Variants in GRIK4 observed in about 807,000 individuals in gnomAD.
GRIK4 encodes the protein glutamate ionotropic receptor kainate type subunit 4, also known as glutamate receptor ionotropic, kainate 4.
In GRIK4, 40 loss-of-function variants were observed where a neutral mutation model predicts 104.9. The ratio of observed to expected loss-of-function variants is 0.38; its 90% CI spans 0.30 to 0.50. The LOEUF is 0.50. GRIK4 is among the 20% of genes least tolerant of loss of function. GRIK4 has a pLI of 0.93. For synonymous variants in GRIK4, 485 were observed against 524.9 expected, an observed-to-expected ratio of 0.92 and a Z score of 1.04; for missense variants, 1,047 against 1,308.1, an observed-to-expected ratio of 0.80 and a Z score of 3.08.
At chr11:120,709,788 T>A (rs961185999) in intron 3 of GRIK4, among the ~76,000 whole-genome samples, 1 of 152,146 alleles carries the variant, frequency 6.6e-6, no homozygotes, top group East Asian at 1.9e-4. Flanking sequence ...GAGTCCCAGT[T>A]TTTCTGAACT....
intron 8 of GRIK4, among the ~76,000 whole-genome samples, chr11:120,845,706 A>G (rs1953835375): frequency 6.6e-6 from 1 of 152,136 alleles, no homozygotes; most frequent in African/African-American, 2.4e-5. Context: ...TCCATCAGCC[A>G]GACAACTTTC....
chr11:120,845,391 C>A (rs1953825867), intron 8 of GRIK4, among the ~76,000 whole-genome samples: 2 of 152,184 alleles, frequency 1.3e-5, no homozygotes, highest in Admixed American at 1.3e-4. Flanking sequence ...GTTTCTAATC[C>A]TGAGGGTTGT....
intron 3 of GRIK4, among the ~76,000 whole-genome samples, chr11:120,725,121 A>C (rs1951005733): frequency 6.6e-6 from 1 of 152,194 alleles, no homozygotes; most frequent in Admixed American, 6.5e-5. Flanking sequence ...ATTTTATTTC[A>C]GAATAGAAAA....
intron 3 of GRIK4, among the ~76,000 whole-genome samples, chr11:120,723,722 A>G (rs934505847): frequency 6.6e-6 from 1 of 152,072 alleles, no homozygotes; most frequent in Non-Finnish European, 1.5e-5. Context: ...CTCACAGTGG[A>G]TAGGACATCT....
rs985113460 is a variant in GRIK4 at position 120,986,381 on chromosome 11, C to A, written c.*121C>A. 3.2e-6 allele frequency: 4 copies of A among 1,258,282 alleles called. No homozygotes were observed. The African/African-American group carries it at 4.8e-5, about 15-fold the overall frequency. The allele number at this position is 1,258,282 out of a possible 1,614,324, so 77.9% of individuals were successfully genotyped here. ...GTCGACACCTCTCCAGATTTCGGAT[C>A]CAGTCACTTTTCAAAAAGATCAAGG... On this transcript the variant is annotated 3_prime_UTR_variant, in exon 21 of 21. Coordinates refer to ENST00000527524, the MANE Select transcript of GRIK4 (RefSeq NM_014619.5).
intron 1 of GRIK4, among the ~76,000 whole-genome samples, chr11:120,572,208 C>T (rs943341632): frequency 6.6e-6 from 1 of 152,062 alleles, no homozygotes; most frequent in Non-Finnish European, 1.5e-5. Flanking sequence ...CTTGAGGGCT[C>T]CACCCTCCTG....
intron 3 of GRIK4, among the ~76,000 whole-genome samples, chr11:120,772,516 A>C (rs1342854851): frequency 6.6e-6 from 1 of 152,176 alleles, no homozygotes; most frequent in Admixed American, 6.5e-5. Context: ...AGTGATTAAG[A>C]GCCAGGATGG....
intron 1 of GRIK4, among the ~76,000 whole-genome samples, chr11:120,543,272 C>T (rs1948054531): frequency 6.6e-6 from 1 of 151,974 alleles, no homozygotes; most frequent in African/African-American, 2.4e-5. Context: ...GTTAAAACAA[C>T]AAAAACAAAA....
chr11:120,749,546 G>T (rs545812078), intron 3 of GRIK4, among the ~76,000 whole-genome samples: 23 of 152,334 alleles, frequency 1.5e-4, no homozygotes, highest in African/African-American at 5.3e-4. Context: ...GGAAGAGAAG[G>T]TGCAAGACAG....
In GRIK4 at chr11:120,660,348, G is replaced by C. The variant is rs750180890; in HGVS notation, c.30G>C (p.Leu10=). The C allele has an allele frequency of 6.2e-7, 1 of 1,613,326 alleles. No homozygotes were observed. The highest frequency in any genetic ancestry group is 1.3e-5 in the African/African-American group (1 of 74,938). Residue 10 remains leucine (L), a synonymous_variant, in exon 3 of 21, where the codon CTG becomes CTC. Coordinates refer to ENST00000527524, the MANE Select transcript of GRIK4 (RefSeq NM_014619.5). The part of the protein sequence containing the change: MPRVSAPLV[L]LPAWLVMVAC... ...CCCGCGTCTCGGCGCCTTTGGTGCTGCTTCCTGCGTGGCTCGTGATGGTCG... is the reference window on the plus strand; with the variant it reads ...CCCGCGTCTCGGCGCCTTTGGTGCTCCTTCCTGCGTGGCTCGTGATGGTCG...
intron 1 of GRIK4, among the ~76,000 whole-genome samples, chr11:120,650,672 A>G (rs1263106107): frequency 6.6e-6 from 1 of 152,220 alleles, no homozygotes; most frequent in Non-Finnish European, 1.5e-5. Flanking sequence ...AGCTCTATGA[A>G]GGCAGGGACT....
intron 3 of GRIK4, among the ~76,000 whole-genome samples, chr11:120,785,943 T>C (rs1416308930): frequency 6.6e-6 from 1 of 152,206 alleles, no homozygotes; most frequent in African/African-American, 2.4e-5. Flanking sequence ...TCAGAGTGCT[T>C]CCTTCCAACC....
intron 6 of GRIK4, among the ~76,000 whole-genome samples, chr11:120,829,386 A>C (rs1041492191): frequency 6.6e-6 from 1 of 152,194 alleles, no homozygotes; most frequent in African/African-American, 2.4e-5. Flanking sequence ...CCTAAAAAAA[A>C]AATTAAATTC....
intron 3 of GRIK4, among the ~76,000 whole-genome samples, chr11:120,676,531 A>T (rs766694534): frequency 1.8e-4 from 28 of 152,186 alleles, no homozygotes; most frequent in Non-Finnish European, 4.1e-4. Flanking sequence ...TCAAAAGGGG[A>T]GGCAGATATG....
chr11:120,607,011 T>C (rs1270664214), intron 1 of GRIK4, among the ~76,000 whole-genome samples: 1 of 151,926 alleles, frequency 6.6e-6, no homozygotes, highest in Admixed American at 6.6e-5. Context: ...GCCACAAAGG[T>C]GATGGAATTT....
At chr11:120,776,962 C>A (rs1344298290) in intron 3 of GRIK4, among the ~76,000 whole-genome samples, 1 of 152,108 alleles carries the variant, frequency 6.6e-6, no homozygotes, top group African/African-American at 2.4e-5. Context: ...CAAATCAACC[C>A]CCATTGTGTT....
At chr11:120,609,690 T>G (rs1350194220) in intron 1 of GRIK4, among the ~76,000 whole-genome samples, 3 of 151,912 alleles carry the variant, frequency 2.0e-5, no homozygotes, top group Non-Finnish European at 4.4e-5. Flanking sequence ...ATTTTTGTAT[T>G]TTTAGTACAG....
At chr11:120,792,926 T>G (rs768646798) in intron 3 of GRIK4, among the ~76,000 whole-genome samples, 1 of 152,074 alleles carries the variant, frequency 6.6e-6, no homozygotes, top group Admixed American at 6.5e-5. Context: ...AGACCTTGGA[T>G]GCACCGTTGT....
At chr11:120,611,041 G>T (rs1434843721) in intron 1 of GRIK4, among the ~76,000 whole-genome samples, 3 of 152,220 alleles carry the variant, frequency 2.0e-5, no homozygotes, top group African/African-American at 7.2e-5. Context: ...GAGCGGACAA[G>T]ACTTTGATTT....
Sources: allele counts gnomAD v4.1 joint callset (sites outside exome capture counted in the v4.1 genomes callset), GRCh38; gene constraint gnomAD v4.1.1; transcripts MANE v1.5; gene names NCBI Gene and HGNC (gene_info 2026-07-23, HGNC 2026-07-21).